Variants in PCDH15 observed in about 807,000 individuals in gnomAD.
The protein encoded by PCDH15 is protocadherin related 15.
A neutral mutation model predicts 178.5 loss-of-function variants in PCDH15; 129 were observed. That is an observed-to-expected ratio of 0.72 (90% CI 0.63 to 0.84). The LOEUF (loss-of-function observed/expected upper bound fraction) is 0.84. Ranked by LOEUF, PCDH15 falls within the 40% of genes least tolerant of loss-of-function variation. PCDH15 has a pLI of 0.00. For missense variants in PCDH15, 2,230 were observed against 2,099.9 expected (o/e 1.06, Z -1.21); for synonymous variants, 800 against 732.0 (o/e 1.09, Z -1.50).
chr10:54,237,510 C>A (rs1450321477), intron 8 of PCDH15, among the ~76,000 whole-genome samples: 1 of 152,034 alleles, frequency 6.6e-6, no homozygotes, highest in Non-Finnish European at 1.5e-5. Flanking sequence ...TTATAATATA[C>A]TTCTTTAATT....
chr10:55,173,166 CT>C (rs1011589331), intron 1 of PCDH15, among the ~76,000 whole-genome samples: 49 of 146,352 alleles, frequency 3.3e-4, no homozygotes, highest in Admixed American at 4.8e-4. Flanking sequence ...TTCCTTGCCA[CT>C]TTTTTTTTTA....
At chr10:55,284,428 A>C (rs1297440486) in intron 1 of PCDH15, among the ~76,000 whole-genome samples, 1 of 152,118 alleles carries the variant, frequency 6.6e-6, no homozygotes, top group African/African-American at 2.4e-5. Context: ...TAAAAAAATA[A>C]GTGAGGGTAT....
chr10:55,266,865 T>C (rs952107792), intron 1 of PCDH15, among the ~76,000 whole-genome samples: 10 of 152,170 alleles, frequency 6.6e-5, no homozygotes, highest in African/African-American at 2.4e-4. Context: ...CTAATTGAGA[T>C]GACTAACACA....
At chr10:54,856,862 A>G (rs1466848223) in intron 3 of PCDH15, among the ~76,000 whole-genome samples, 1 of 152,226 alleles carries the variant, frequency 6.6e-6, no homozygotes, top group African/African-American at 2.4e-5. Context: ...CAAACATCAC[A>G]AGAAATCCAG....
intron 1 of PCDH15, among the ~76,000 whole-genome samples, chr10:55,275,009 G>A (rs922860056): frequency 6.6e-6 from 1 of 151,990 alleles, no homozygotes. Context: ...AAAAATTATA[G>A]AGTCCCATTT....
At chr10:54,873,153 A>T (rs896211927) in intron 3 of PCDH15, among the ~76,000 whole-genome samples, 7 of 152,100 alleles carry the variant, frequency 4.6e-5, no homozygotes, top group Non-Finnish European at 8.8e-5. Flanking sequence ...ATGAATTGAT[A>T]CACTTTCTAA....
rs531682870 is a variant in PCDH15, at chr10:54,487,334, AC to A, written c.157+40477del. On this transcript the variant is annotated intron_variant, in intron 3 of 37. Transcript: ENST00000644397. ...AAGTGTGGAATGATTGAAAATGGAGACTCAGAAGGGTGAAGAATGGGATTGG... is the reference window on the plus strand; with the variant it reads ...AAGTGTGGAATGATTGAAAATGGAGATCAGAAGGGTGAAGAATGGGATTGG... Among the ~76,000 whole-genome samples, 470 of 151,990 alleles carry A rather than the reference AC, an allele frequency of 3.1e-3. 1 individual carries two copies. The highest frequency in any genetic ancestry group is 4.6e-3 in the Non-Finnish European group (311 of 67,926).
chr10:54,120,554 G>A (rs1416318503), intron 15 of PCDH15, among the ~76,000 whole-genome samples: 1 of 152,054 alleles, frequency 6.6e-6, no homozygotes, highest in South Asian at 2.1e-4. Context: ...GATACATGAA[G>A]TAAAGTAATG....
At chr10:54,974,893 AT>A (rs1206221701) in intron 2 of PCDH15, among the ~76,000 whole-genome samples, 1 of 152,142 alleles carries the variant, frequency 6.6e-6, no homozygotes, top group Non-Finnish European at 1.5e-5. Context: ...CCTAATTATT[AT>A]TTTTATAGAG....
intron 1 of PCDH15, among the ~76,000 whole-genome samples, chr10:54,702,248 T>C (rs763030031): frequency 6.6e-6 from 1 of 151,970 alleles, no homozygotes. Flanking sequence ...CAAGGAATTA[T>C]TTGAAATGAA....
At chr10:55,070,647 G>C (rs1402068402) in intron 2 of PCDH15, among the ~76,000 whole-genome samples, 1 of 152,070 alleles carries the variant, frequency 6.6e-6, no homozygotes, top group Non-Finnish European at 1.5e-5. Context: ...TATCTGTTTT[G>C]GTACCAGTAC....
intron 3 of PCDH15, among the ~76,000 whole-genome samples, chr10:54,509,256 A>C (rs7075624): frequency 0.2 from 30,125 of 151,670 alleles, 3,592 homozygotes; most frequent in Admixed American, 0.33. Flanking sequence ...CCAGTGGGAG[A>C]TAATTGAATC....
intron 8 of PCDH15, among the ~76,000 whole-genome samples, chr10:54,292,714 A>G (rs1013772318): frequency 1.3e-5 from 2 of 152,188 alleles, no homozygotes; most frequent in African/African-American, 4.8e-5. Flanking sequence ...ACTCCCATTC[A>G]CAATTGCTAC....
rs118157130 is a variant in PCDH15 at position 55,176,912 on chromosome 10, C to G, written c.-155-10261G>C. 3.7e-3 allele frequency among the ~76,000 whole-genome samples: 564 copies of G among 152,206 alleles called. 3 individuals carry two copies. Among genetic ancestry groups the G allele is most frequent in the Non-Finnish European group, 5.6e-3 (384 of 68,014 alleles). ...CTGAGACAGGCCCTACCTGTTTGGG[C>G]AGGCATTGTCAAGGGATCTCTCTTT... On this transcript the variant is annotated intron_variant, in intron 1 of 5. Transcript: ENST00000458638.
chr10:55,179,160 T>C (rs1839572926), intron 1 of PCDH15, among the ~76,000 whole-genome samples: 1 of 152,088 alleles, frequency 6.6e-6, no homozygotes. Flanking sequence ...ATGGCTCCCT[T>C]TTTACTGGGG....
intron 1 of PCDH15, among the ~76,000 whole-genome samples, chr10:55,189,152 C>T (rs1052572305): frequency 6.6e-6 from 1 of 151,740 alleles, no homozygotes; most frequent in Non-Finnish European, 1.5e-5. Context: ...AAGGGCGCTC[C>T]AATTCTGTTC....
chr10:54,668,103 C>T (rs1270293146), intron 1 of PCDH15, among the ~76,000 whole-genome samples: 2 of 151,834 alleles, frequency 1.3e-5, no homozygotes, highest in Non-Finnish European at 2.9e-5. Context: ...ATTTATCTGG[C>T]ATTCAATGTT....
intron 2 of PCDH15, among the ~76,000 whole-genome samples, chr10:54,567,476 A>C (rs1447426821): frequency 6.6e-6 from 1 of 152,198 alleles, no homozygotes; most frequent in East Asian, 1.9e-4. Context: ...TAGTTAAATT[A>C]TATCATTTCA....
chr10:55,316,244 T>C (rs954348144), intron 1 of PCDH15, among the ~76,000 whole-genome samples: 41 of 152,258 alleles, frequency 2.7e-4, no homozygotes, highest in African/African-American at 9.1e-4. Flanking sequence ...GCATTTTTTC[T>C]CAAACTCAGT....
Sources: gnomAD v4.1 joint callset for allele counts (sites outside exome capture counted in the v4.1 genomes callset) on GRCh38, gnomAD v4.1.1 for gene constraint, MANE v1.5 for transcripts, NCBI Gene and HGNC (gene_info 2026-07-23, HGNC 2026-07-21) for gene names.